The following KMT2C variants were observed in gnomAD, a reference collection of about 807,000 sequenced individuals.
The protein encoded by KMT2C is histone-lysine N-methyltransferase 2C.
Under a neutral mutation model 507.9 loss-of-function variants are expected in KMT2C, and 88 were observed. The ratio of observed to expected loss-of-function variants is 0.17; its 90% CI spans 0.15 to 0.21. KMT2C has a LOEUF of 0.21. Ranked by LOEUF, KMT2C falls within the 10% of genes least tolerant of loss-of-function variation. The pLI, the probability that KMT2C is intolerant of heterozygous loss-of-function variation, is 1.00. For synonymous variants in KMT2C, 2,049 were observed against 2,080.8 expected, an observed-to-expected ratio of 0.98 and a Z score of 0.42; for missense variants, 4,954 against 5,957.8, an observed-to-expected ratio of 0.83 and a Z score of 5.55.
chr7:152,338,049 G>A (rs889141881), intron 2 of KMT2C, among the ~76,000 whole-genome samples: 5 of 151,852 alleles, frequency 3.3e-5, no homozygotes, highest in African/African-American at 9.7e-5. Flanking sequence ...TAGTAGAGAC[G>A]GGGTTTCACT....
intron 1 of KMT2C, among the ~76,000 whole-genome samples, chr7:152,431,349 A>T (rs1390502279): frequency 6.6e-6 from 1 of 152,158 alleles, no homozygotes; most frequent in Admixed American, 6.6e-5. Context: ...CTGTAATCCC[A>T]GCACTTTGGG....
chr7:152,355,150 T>C (rs2097142089), intron 2 of KMT2C, among the ~76,000 whole-genome samples: 2 of 152,136 alleles, frequency 1.3e-5, no homozygotes, highest in Non-Finnish European at 1.5e-5. Context: ...GAAATGTGAA[T>C]GTCTAAAATG....
Position 152,138,789 on chromosome 7 carries a change from C to T in KMT2C, c.14643+7G>A, listed in dbSNP as rs981610971. On this transcript the variant is annotated splice_region_variant and intron_variant, in intron 58 of 58. Transcript: ENST00000262189. The surrounding 1 kb of genome is among the most constrained non-coding windows in gnomAD (Gnocchi z 4.2). ...AACATGGCAGATGCAATCTCTCACA[C>T]TCTTACCTCTTCTCCTTTCTGGATT... 1.3e-6 allele frequency: 2 copies of T among 1,571,124 alleles called. No homozygotes were observed. The highest frequency in any genetic ancestry group is 1.1e-5 in the South Asian group (1 of 87,500).
At chr7:152,387,265 T>G in intron 1 of KMT2C, among the ~76,000 whole-genome samples, 1 of 151,902 alleles carries the variant, frequency 6.6e-6, no homozygotes, top group Non-Finnish European at 1.5e-5. Flanking sequence ...AGCCATTCCT[T>G]TATACTGACA....
chr7:152,162,250 A>G lies in KMT2C; in HGVS notation c.11327T>C (p.Leu3776Pro). 6.2e-7 allele frequency: 1 copy of G among 1,614,190 alleles called. No homozygotes were observed. The highest frequency in any genetic ancestry group is 8.5e-7 in the Non-Finnish European group (1 of 1,180,024). The change falls in exon 43 of 59, where the codon CTT becomes CCT. Residue 3776 changes from leucine (L) to proline (P), a missense_variant. Physicochemically the swap from Leu to Pro is moderately conservative, Grantham distance 98. Coordinates refer to ENST00000262189, the MANE Select transcript of KMT2C (RefSeq NM_170606.3). ...TTTATTTTTCAACAAGTGTTTCAGA[A>G]GTTCATTCCCTGAGTCTCCTTTGGC... is the stretch of plus-strand genomic sequence containing the variant. ...PAAKGDSGNE[L>P]LKHLLKNKKS...
At chr7:152,364,930 GACAGACACAC>G (rs2097227961) in intron 1 of KMT2C, among the ~76,000 whole-genome samples, 2 of 130,206 alleles carry the variant, frequency 1.5e-5, no homozygotes, top group African/African-American at 6.2e-5. Context: ...ATCTGAAACA[GACAGACACAC>G]ACACACACAC....
At chr7:152,318,626 CAAAAAAAAA>C (rs67446037) in intron 3 of KMT2C, among the ~76,000 whole-genome samples, 6 of 54,416 alleles carry the variant, frequency 1.1e-4, no homozygotes, top group East Asian at 4.4e-4. Context: ...GACTCCATCT[CAAAAAAAAA>C]AAAAAAAAAA....
chr7:152,416,606 C>A (rs1290923016), intron 1 of KMT2C, among the ~76,000 whole-genome samples: 1 of 150,846 alleles, frequency 6.6e-6, no homozygotes, highest in Non-Finnish European at 1.5e-5. Context: ...CGCCTGTAAT[C>A]CCAGCTACTT....
chr7:152,251,865 G>T, intron 11 of KMT2C, 74 bp downstream of exon 11: 3 of 1,021,780 alleles, frequency 2.9e-6, no homozygotes, highest in Non-Finnish European at 4.1e-6. Flanking sequence ...CCTGATTAAA[G>T]CAATATATTG....
intron 7 of KMT2C, among the ~76,000 whole-genome samples, chr7:152,267,345 A>G (rs1293465119): frequency 6.6e-6 from 1 of 152,218 alleles, no homozygotes; most frequent in Non-Finnish European, 1.5e-5. Flanking sequence ...CTCTAAAGTG[A>G]AACTTTTTTA....
At position 152,144,677 on chromosome 7, in the gene KMT2C, G is replaced by A; in HGVS notation, c.14343+36C>T. The A allele has an allele frequency of 6.3e-7, 1 of 1,588,664 alleles. No individual in the cohort carries two copies. Among genetic ancestry groups the A allele is most frequent in the Non-Finnish European group, 8.6e-7 (1 of 1,160,882 alleles). ...GCTTCAGATTGCTAGACTCCACCCT[G>A]TCTCTCCACTTCCTGTACACAAAGT... On this transcript the variant is annotated intron_variant, in intron 55 of 58. Transcript: ENST00000262189. This position sits in a 1 kb window ranked among gnomAD's most constrained non-coding sequence, Gnocchi z 4.4.
chr7:152,354,542 CAGG>C (rs1178080453), intron 2 of KMT2C, among the ~76,000 whole-genome samples: 1 of 152,078 alleles, frequency 6.6e-6, no homozygotes, highest in Admixed American at 6.5e-5. Flanking sequence ...AAAAATAAAG[CAGG>C]AGAAGACAAA....
chr7:152,188,418 T>C (rs767990036), intron 31 of KMT2C, among the ~76,000 whole-genome samples: 3 of 152,070 alleles, frequency 2.0e-5, no homozygotes, highest in Admixed American at 6.6e-5. Context: ...GCTCTAAACA[T>C]AGTTCCTGGT....
intron 1 of KMT2C, among the ~76,000 whole-genome samples, chr7:152,413,168 G>A (rs1325523695): frequency 6.6e-6 from 1 of 152,116 alleles, no homozygotes; most frequent in African/African-American, 2.4e-5. Context: ...AGGCTGGAGT[G>A]CAGTGGTGCG....
At chr7:152,368,474 C>T (rs1220235418) in intron 1 of KMT2C, 1 of 1,243,168 alleles carries the variant, frequency 8.0e-7, no homozygotes, top group Admixed American at 2.0e-5. Flanking sequence ...CTAAAGGACT[C>T]TGAAGCTGAG....
At chr7:152,387,566 G>C (rs1365328487) in intron 1 of KMT2C, among the ~76,000 whole-genome samples, 7,223 of 96,386 alleles carry the variant, frequency 0.075, no homozygotes, top group Non-Finnish European at 0.1. Flanking sequence ...TGCCTCCCGG[G>C]TTCACGCCAT....
chr7:152,205,864 G>A (rs1364081065), intron 24 of KMT2C, among the ~76,000 whole-genome samples: 5 of 152,062 alleles, frequency 3.3e-5, no homozygotes, highest in African/African-American at 1.2e-4. Flanking sequence ...ATATTAACCG[G>A]CTAACTGGTA....
intron 3 of KMT2C, among the ~76,000 whole-genome samples, chr7:152,317,782 G>A (rs1359320262): frequency 6.6e-6 from 1 of 152,150 alleles, no homozygotes; most frequent in African/African-American, 2.4e-5. Context: ...AAGGCAGGAG[G>A]ATTGCTTAAC....
At chr7:152,367,689 ACC>A in intron 1 of KMT2C, 2 of 1,397,920 alleles carry the variant, frequency 1.4e-6, no homozygotes, top group Non-Finnish European at 2.0e-6. Flanking sequence ...AATAGCTGAC[ACC>A]CCAGGATTTG....
Sources: gnomAD v4.1 joint callset for allele counts (sites outside exome capture counted in the v4.1 genomes callset) on GRCh38, gnomAD v4.1.1 for gene constraint, Gnocchi (gnomAD v3.1) non-coding constraint, MANE v1.5 for transcripts, NCBI Gene and HGNC (gene_info 2026-07-23, HGNC 2026-07-21) for gene names.